Variants in UNC13C observed in about 807,000 individuals in gnomAD.
UNC13C encodes the protein protein unc-13 homolog C.
UNC13C carries 174 observed loss-of-function variants against 245.4 expected under a neutral mutation model. That is an observed-to-expected ratio of 0.71 (90% CI 0.63 to 0.80). The LOEUF is 0.80. Ranked by LOEUF, UNC13C falls within the 30% of genes least tolerant of loss-of-function variation. UNC13C has a pLI of 0.00. For missense variants in UNC13C, 2,829 were observed against 2,602.9 expected, an observed-to-expected ratio of 1.09 and a Z score of -1.89; for synonymous variants, 992 against 895.1, an observed-to-expected ratio of 1.11 and a Z score of -1.93.
chr15:53,995,210 C>T (rs964954412), intron 1 of UNC13C, among the ~76,000 whole-genome samples: 4 of 151,896 alleles, frequency 2.6e-5, no homozygotes, highest in African/African-American at 7.2e-5. Context: ...TAGATGCAGA[C>T]ATATTGATTT....
the UNC13C span, among the ~76,000 whole-genome samples, chr15:53,869,304 C>A: frequency 6.6e-6 from 1 of 152,128 alleles, no homozygotes; most frequent in East Asian, 1.9e-4. Context: ...TGCTGCCTGT[C>A]CTGAGCTGCC....
At chr15:54,632,630 A>G (rs1244508930), downstream of UNC13C, 1 of 152,254 alleles carries the variant, frequency 6.6e-6, no homozygotes, top group Non-Finnish European at 1.5e-5. Context: ...CATTGAAAAT[A>G]CTACAGTTAT....
intron 4 of UNC13C, among the ~76,000 whole-genome samples, chr15:54,198,893 A>G (rs1337270218): frequency 6.6e-6 from 1 of 152,150 alleles, no homozygotes; most frequent in African/African-American, 2.4e-5. Context: ...AAGAATTCAG[A>G]AGGTTAATTG....
intron 18 of UNC13C, among the ~76,000 whole-genome samples, chr15:54,404,246 C>G (rs1488481279): frequency 5.3e-5 from 8 of 152,138 alleles, no homozygotes; most frequent in Admixed American, 2.0e-4. Flanking sequence ...ACAAACTTTG[C>G]ATATCAAAAT....
At chr15:54,049,798 C>G (rs1039788996) in intron 2 of UNC13C, 16 of 252,716 alleles carry the variant, frequency 6.3e-5, no homozygotes, top group Non-Finnish European at 1.1e-4. Context: ...GGAGCCCAGG[C>G]AACTAAAGTA....
chr15:54,263,269 A>G (rs962619728), intron 8 of UNC13C, among the ~76,000 whole-genome samples: 4 of 152,282 alleles, frequency 2.6e-5, no homozygotes, highest in East Asian at 3.9e-4. Flanking sequence ...TCCTGTAGAC[A>G]CTGGTACATG....
chr15:54,145,115 T>C (rs1282869984), intron 4 of UNC13C, among the ~76,000 whole-genome samples: 1 of 151,858 alleles, frequency 6.6e-6, no homozygotes, highest in Non-Finnish European at 1.5e-5. Context: ...TATATACATA[T>C]ATATGTATAG....
intron 2 of UNC13C, among the ~76,000 whole-genome samples, chr15:54,114,051 G>C (rs1342901022): frequency 6.6e-6 from 1 of 152,116 alleles, no homozygotes; most frequent in Non-Finnish European, 1.5e-5. Flanking sequence ...TGCCTCACCA[G>C]TGTGCACTCA....
At chr15:53,978,428 C>T (rs1595671848), upstream of UNC13C, among the ~76,000 whole-genome samples, 1 of 152,074 alleles carries the variant, frequency 6.6e-6, no homozygotes, top group African/African-American at 2.4e-5. Flanking sequence ...ATCGCAGTGC[C>T]GGTGCTGCAT....
intron 28 of UNC13C, among the ~76,000 whole-genome samples, chr15:54,549,949 T>G (rs1896663552): frequency 6.6e-6 from 1 of 152,140 alleles, no homozygotes; most frequent in South Asian, 2.1e-4. Context: ...GAACACTGCA[T>G]AGAAATCCAG....
chr15:54,456,418 T>G (rs913384110), intron 19 of UNC13C, among the ~76,000 whole-genome samples: 1 of 152,048 alleles, frequency 6.6e-6, no homozygotes, highest in Non-Finnish European at 1.5e-5. Flanking sequence ...GGAATTGCAT[T>G]GAATATATAG....
intron 30 of UNC13C, among the ~76,000 whole-genome samples, chr15:54,621,211 T>C (rs1900777181): frequency 2.0e-5 from 3 of 152,224 alleles, no homozygotes; most frequent in Non-Finnish European, 2.9e-5. Context: ...GCATTTGCCT[T>C]CATTTTTATG....
chr15:53,902,829 G>A, the UNC13C span, among the ~76,000 whole-genome samples: 5 of 152,102 alleles, frequency 3.3e-5, no homozygotes, highest in East Asian at 1.9e-4. Context: ...TAGCAAAAAG[G>A]CCAGTGAAAT....
rs867956710 is a variant in UNC13C, at chr15:54,329,803, C to T, written c.4426-2240C>T. On this transcript the variant is annotated intron_variant, in intron 14 of 32. Transcript: ENST00000260323. ...TCTATTTTCCTTGAATGTAAATTTTCCAGCTAGGCACTGAAGACTAGGTAG... is the reference window on the plus strand; with the variant it reads ...TCTATTTTCCTTGAATGTAAATTTTTCAGCTAGGCACTGAAGACTAGGTAG... Among the ~76,000 whole-genome samples, 26 of 151,968 alleles carry T rather than the reference C, an allele frequency of 1.7e-4. 1 individual carries two copies. The highest frequency in any genetic ancestry group is 1.1e-3 in the Admixed American group (17 of 15,228).
At chr15:54,566,451 T>G (rs1390292613) in intron 29 of UNC13C, among the ~76,000 whole-genome samples, 2 of 152,104 alleles carry the variant, frequency 1.3e-5, no homozygotes, top group African/African-American at 4.8e-5. Context: ...AGAGAAGACA[T>G]TTTTTCTGTG....
At chr15:54,622,557 C>G in intron 31 of UNC13C, 138 bp downstream of exon 31, 1 of 604,290 alleles carries the variant, frequency 1.7e-6, no homozygotes, top group Non-Finnish European at 2.9e-6. Flanking sequence ...CTAATGAAAC[C>G]CAAACTTTTG....
At chr15:54,250,157 G>C in intron 7 of UNC13C, 68 bp from the exon 8 acceptor site, 1 of 1,457,766 alleles carries the variant, frequency 6.9e-7, no homozygotes, top group Non-Finnish European at 9.5e-7. Flanking sequence ...AAAATGGTTT[G>C]TTTTATTTTG....
intron 17 of UNC13C, among the ~76,000 whole-genome samples, chr15:54,388,428 G>T (rs983505584): frequency 4.6e-5 from 7 of 152,086 alleles, no homozygotes; most frequent in African/African-American, 1.7e-4. Flanking sequence ...ATGCCACTAT[G>T]GGTCCAACTC....
the UNC13C span, among the ~76,000 whole-genome samples, chr15:53,866,927 T>C: frequency 6.6e-6 from 1 of 152,126 alleles, no homozygotes; most frequent in African/African-American, 2.4e-5. Context: ...ATTTCAGAAA[T>C]GTAAAGATGG....
Sources: allele counts gnomAD v4.1 joint callset (sites outside exome capture counted in the v4.1 genomes callset), GRCh38; gene constraint gnomAD v4.1.1; transcripts MANE v1.5; gene names NCBI Gene and HGNC (gene_info 2026-07-23, HGNC 2026-07-21).